DET1: variants seen among roughly 807,000 people sequenced by gnomAD.
DET1 encodes the protein DET1 homolog.
In DET1, 22 loss-of-function variants were observed where a neutral mutation model predicts 43.7. That is an observed-to-expected ratio of 0.50 (90% CI 0.36 to 0.72). The LOEUF is 0.72. DET1 is among the 30% of genes least tolerant of loss of function. DET1 has a pLI of 0.00. For missense variants in DET1, 713 were observed against 713.3 expected (o/e 1.00, Z 0.00); for synonymous variants, 315 against 266.2 (o/e 1.18, Z -1.79).
At chr15:88,539,491 G>A (rs1185221063) in intron 1 of DET1, among the ~76,000 whole-genome samples, 2 of 147,936 alleles carry the variant, frequency 1.4e-5, no homozygotes, top group African/African-American at 5.0e-5. Context: ...TGTCAAAACT[G>A]TTTACCTGCC....
intron 1 of DET1, among the ~76,000 whole-genome samples, chr15:88,543,642 G>A (rs1362104926): frequency 6.6e-6 from 1 of 152,170 alleles, no homozygotes; most frequent in Non-Finnish European, 1.5e-5. Context: ...ATGTGTTGTG[G>A]GCTCAGGCTT....
chr15:88,513,163 C>A (rs1362009011), intron 4 of DET1, 23 bp from the exon 5 acceptor site: 1 of 1,586,156 alleles, frequency 6.3e-7, no homozygotes, highest in Non-Finnish European at 8.6e-7. Flanking sequence ...AGGACAGAGA[C>A]AGAGAAAGAG....
At chr15:88,523,385 C>A (rs2056556561) in intron 3 of DET1, among the ~76,000 whole-genome samples, 1 of 152,082 alleles carries the variant, frequency 6.6e-6, no homozygotes, top group Non-Finnish European at 1.5e-5. Context: ...ACCATGTGTT[C>A]ACAAGAATTA....
Position 88,512,707 on chromosome 15 carries a change from T to C in DET1, c.*244A>G, listed in dbSNP as rs2056225833. 8 of 1,241,928 alleles carry C rather than the reference T, an allele frequency of 6.4e-6. No individual in the cohort carries two copies. The highest frequency in any genetic ancestry group is 1.5e-5 in the African/African-American group (1 of 65,380). 76.9% of individuals were successfully genotyped at this position (1,241,928 alleles called of 1,614,324 possible). On this transcript the variant is annotated 3_prime_UTR_variant, in exon 5 of 5. Coordinates refer to ENST00000268148, the MANE Select transcript of DET1 (RefSeq NM_001144074.3). ...GCAAAAATGAAATGGACTTAATTAA[T>C]GCTGGGCATTCCCACAGGGAAAACG... is the stretch of plus-strand genomic sequence containing the variant.
chr15:88,531,459 CA>C lies in DET1; in HGVS notation c.246del (p.Glu83LysfsTer32). 1 of 1,614,014 alleles carries C rather than the reference CA, an allele frequency of 6.2e-7. No individual in the cohort carries two copies. Among genetic ancestry groups the C allele is most frequent in the Non-Finnish European group, 8.5e-7 (1 of 1,179,900 alleles). ...TGGCAGCCCTGGTACTCATAGATTTCAAGAGATGTCTGGTCTGAAGAAAAAG... is the reference window on the plus strand; with the variant it reads ...TGGCAGCCCTGGTACTCATAGATTTCAGAGATGTCTGGTCTGAAGAAAAAG... ...FIAFSSDQTS[L>X]EIYEYQGCQA... On this transcript the variant is annotated frameshift_variant, in exon 2 of 5. Transcript: ENST00000268148. LOFTEE classifies it high-confidence loss of function. This position sits in a 1 kb window ranked among gnomAD's most constrained non-coding sequence, Gnocchi z 6.2.
intron 3 of DET1, among the ~76,000 whole-genome samples, chr15:88,523,717 A>G (rs968690679): frequency 1.3e-5 from 2 of 151,910 alleles, no homozygotes; most frequent in Non-Finnish European, 1.5e-5. Context: ...CTGGGATTGC[A>G]GACAGAGTCT....
chr15:88,506,848 C>G (rs1289830975), intron 7 of DET1, among the ~76,000 whole-genome samples: 1 of 152,152 alleles, frequency 6.6e-6, no homozygotes, highest in African/African-American at 2.4e-5. Flanking sequence ...TGTCAGCTCC[C>G]TGCCAAGCAG....
At chr15:88,514,066 T>G (rs1598314556) in intron 4 of DET1, among the ~76,000 whole-genome samples, 1 of 150,156 alleles carries the variant, frequency 6.7e-6, no homozygotes, top group Non-Finnish European at 1.5e-5. Flanking sequence ...CCCAAAGTGC[T>G]GGGATTACAG....
chr15:88,542,499 C>A (rs951629409), intron 1 of DET1, among the ~76,000 whole-genome samples: 2 of 152,044 alleles, frequency 1.3e-5, no homozygotes, highest in African/African-American at 4.8e-5. Context: ...CGGTGGCTCC[C>A]GAAAATAGCC....
chr15:88,542,110 A>G (rs2057123880), intron 1 of DET1, among the ~76,000 whole-genome samples: 1 of 152,156 alleles, frequency 6.6e-6, no homozygotes, highest in Non-Finnish European at 1.5e-5. Flanking sequence ...GATGGAGTCC[A>G]TGCTCCAGAC....
intron 1 of DET1, among the ~76,000 whole-genome samples, chr15:88,534,297 AC>A (rs1346860779): frequency 6.6e-6 from 1 of 152,210 alleles, no homozygotes; most frequent in Non-Finnish European, 1.5e-5. Context: ...ATAATCAAAC[AC>A]CACCTTCTCT....
At chr15:88,510,936 G>A (rs371731223), downstream of DET1, among the ~76,000 whole-genome samples, 10 of 151,780 alleles carry the variant, frequency 6.6e-5, no homozygotes, top group African/African-American at 1.9e-4. Context: ...ACCACGTCCC[G>A]CTAATTTTTT....
intron 1 of DET1, among the ~76,000 whole-genome samples, chr15:88,539,660 G>A (rs1361735377): frequency 1.3e-5 from 2 of 152,140 alleles, no homozygotes; most frequent in East Asian, 3.9e-4. Flanking sequence ...TTTGTCACAA[G>A]AGGTTAAATT....
At position 88,537,373 on chromosome 15, in the gene DET1, T is replaced by G. The variant is rs377632140; in HGVS notation, c.-10-5658A>C. 6.9e-4 allele frequency among the ~76,000 whole-genome samples: 105 copies of G among 152,278 alleles called. 1 individual carries two copies. The highest frequency in any genetic ancestry group is 2.4e-3 in the African/African-American group (98 of 41,546). On this transcript the variant is annotated intron_variant, in intron 1 of 4. Transcript: ENST00000268148. ...CCCATCTCTCACCTCCTGGATTTTT[T>G]GGGGTCTCACTCTGTCGCCCAGGCT...
At chr15:88,502,457 C>T (rs976843302) in intron 8 of DET1, 5 of 152,114 alleles carry the variant, frequency 3.3e-5, no homozygotes, top group African/African-American at 1.2e-4. Flanking sequence ...AGAAACAGTA[C>T]TTGGAGACCA....
At position 88,529,119 on chromosome 15, in the gene DET1, G is replaced by A. The variant is rs1179483975; in HGVS notation, c.1084-1333C>T. Among the ~76,000 whole-genome samples, 3 of 152,108 alleles carry A rather than the reference G, an allele frequency of 2.0e-5. 1 individual carries two copies. In the East Asian group the frequency reaches 5.8e-4, roughly 29 times the overall value. On this transcript the variant is annotated intron_variant, in intron 2 of 4. Coordinates refer to ENST00000268148, the MANE Select transcript of DET1 (RefSeq NM_001144074.3). ...TATTGTACCTACCAGAAAAAACTAG[G>A]CCACCTTTTAGCAAAGAAGAAAAGG...
At chr15:88,506,187 A>G (rs2056138800) in intron 7 of DET1, among the ~76,000 whole-genome samples, 1 of 152,214 alleles carries the variant, frequency 6.6e-6, no homozygotes, top group Non-Finnish European at 1.5e-5. Context: ...TAGTGCTCAC[A>G]TCGACCCTGA....
At position 88,520,795 on chromosome 15, in the gene DET1, C is replaced by G. The variant is rs558152077; in HGVS notation, c.1272-3822G>C. On this transcript the variant is annotated intron_variant, in intron 3 of 4. Coordinates refer to ENST00000268148, the MANE Select transcript of DET1 (RefSeq NM_001144074.3). ...TCAATCACAGAGGACTTGGTATGTG[C>G]CAGACACTCTTCTAGGTGCTTAGGA... Among the ~76,000 whole-genome samples the G allele has an allele frequency of 5.9e-5, 9 of 152,332 alleles. No individual in the cohort carries two copies. In the South Asian group the frequency reaches 1.9e-3, roughly 32 times the overall value.
At chr15:88,510,096 G>C (rs2056181576), downstream of DET1, among the ~76,000 whole-genome samples, 1 of 152,202 alleles carries the variant, frequency 6.6e-6, no homozygotes, top group Admixed American at 6.5e-5. Context: ...TCAGGGATTG[G>C]AGGCTTCAGT....
Sources: gnomAD v4.1 joint callset for allele counts (sites outside exome capture counted in the v4.1 genomes callset) on GRCh38, gnomAD v4.1.1 for gene constraint, Gnocchi (gnomAD v3.1) non-coding constraint, MANE v1.5 for transcripts, NCBI Gene and HGNC (gene_info 2026-07-23, HGNC 2026-07-21) for gene names.